The following RALA variants were observed in gnomAD, a reference collection of about 807,000 sequenced individuals.
RALA encodes ras-related protein Ral-A.
Under a neutral mutation model 24.0 loss-of-function variants are expected in RALA, and 5 were observed. The observed-to-expected ratio is 0.21, with a 90% CI of 0.11 to 0.44. The LOEUF (loss-of-function observed/expected upper bound fraction) is 0.44. Among genes scored for constraint, RALA ranks in the 20% least tolerant of loss-of-function variants. The pLI is 0.99. For synonymous variants in RALA, 77 were observed against 83.8 expected (o/e 0.92, Z 0.44); for missense variants, 95 against 241.2 (o/e 0.39, Z 4.01).
intron 4 of RALA, 61 bp from the exon 5 acceptor site, chr7:39,706,062 T>G: frequency 6.9e-7 from 1 of 1,450,116 alleles, no homozygotes; most frequent in Non-Finnish European, 9.4e-7. Flanking sequence ...TGCTGTGATT[T>G]GGAGAAGTAC....
intron 1 of RALA, among the ~76,000 whole-genome samples, chr7:39,636,014 C>A (rs995655006): frequency 6.6e-5 from 10 of 152,162 alleles, no homozygotes; most frequent in Admixed American, 6.5e-5. Context: ...TTTTCAAGAT[C>A]ATCCATGTTG....
At chr7:39,689,216 C>A (rs1792770501) in intron 2 of RALA, among the ~76,000 whole-genome samples, 1 of 152,170 alleles carries the variant, frequency 6.6e-6, no homozygotes, top group African/African-American at 2.4e-5. Context: ...CTTGAACTAA[C>A]TCCTGGGCTC....
chr7:39,670,058 G>A (rs1792354026), intron 1 of RALA, among the ~76,000 whole-genome samples: 1 of 152,124 alleles, frequency 6.6e-6, no homozygotes, highest in Non-Finnish European at 1.5e-5. Flanking sequence ...TGCTTAATTT[G>A]TAGTAGCTCA....
intron 1 of RALA, among the ~76,000 whole-genome samples, chr7:39,627,026 C>A (rs1339482735): frequency 6.6e-6 from 1 of 151,634 alleles, no homozygotes; most frequent in African/African-American, 2.4e-5. Flanking sequence ...TTTTAAAATG[C>A]ACTTTTAAAT....
intron 1 of RALA, among the ~76,000 whole-genome samples, chr7:39,646,219 G>C (rs1313725001): frequency 6.6e-6 from 1 of 152,118 alleles, no homozygotes; most frequent in Non-Finnish European, 1.5e-5. Flanking sequence ...CTTGAGCCTG[G>C]GAGGTCAAGG....
At chr7:39,701,277 G>A (rs141852271) in intron 4 of RALA, among the ~76,000 whole-genome samples, 15 of 152,312 alleles carry the variant, frequency 9.8e-5, no homozygotes, top group Admixed American at 5.9e-4. Context: ...CTGGTAGGCC[G>A]AGGCAGGCAG....
chr7:39,663,145 C>A (rs1413792033), intron 1 of RALA, among the ~76,000 whole-genome samples: 1 of 152,128 alleles, frequency 6.6e-6, no homozygotes, highest in Non-Finnish European at 1.5e-5. Flanking sequence ...AGCTACAATT[C>A]AAGATGAGAT....
At chr7:39,657,982 AG>A (rs1455100517) in intron 1 of RALA, among the ~76,000 whole-genome samples, 1 of 152,168 alleles carries the variant, frequency 6.6e-6, no homozygotes, top group Non-Finnish European at 1.5e-5. Flanking sequence ...CCTTAAAGAG[AG>A]GGTACTCTTC....
intron 1 of RALA, among the ~76,000 whole-genome samples, chr7:39,648,565 A>T (rs1410864959): frequency 6.6e-6 from 1 of 152,192 alleles, no homozygotes; most frequent in Non-Finnish European, 1.5e-5. Context: ...TTCTGCAGAG[A>T]GGAGTCCTAA....
chr7:39,634,618 C>A (rs542289184), intron 1 of RALA, among the ~76,000 whole-genome samples: 24 of 152,030 alleles, frequency 1.6e-4, no homozygotes, highest in Non-Finnish European at 2.9e-4. Context: ...TAATTGGTAA[C>A]CTTCCCACTA....
At chr7:39,669,460 G>C (rs1409982742) in intron 1 of RALA, among the ~76,000 whole-genome samples, 1 of 152,130 alleles carries the variant, frequency 6.6e-6, no homozygotes, top group East Asian at 1.9e-4. Flanking sequence ...TAAAGAGTGG[G>C]ATTTAACAGA....
At chr7:39,654,784 T>C (rs761033001) in intron 1 of RALA, among the ~76,000 whole-genome samples, 6 of 152,184 alleles carry the variant, frequency 3.9e-5, no homozygotes, top group Non-Finnish European at 8.8e-5. Flanking sequence ...AGGATCTTGC[T>C]CTGTCACCAA....
chr7:39,659,681 G>A (rs1792154584), intron 1 of RALA, among the ~76,000 whole-genome samples: 1 of 152,088 alleles, frequency 6.6e-6, no homozygotes, highest in Admixed American at 6.6e-5. Context: ...TGGAATCTCT[G>A]GGTAAATAGG....
chr7:39,662,307 A>G (rs531416711), intron 1 of RALA, among the ~76,000 whole-genome samples: 39 of 152,270 alleles, frequency 2.6e-4, no homozygotes, highest in African/African-American at 8.9e-4. Context: ...TTGGTGATTA[A>G]CATTTGGCTC....
At chr7:39,637,710 A>G (rs545177535) in intron 1 of RALA, among the ~76,000 whole-genome samples, 7 of 152,320 alleles carry the variant, frequency 4.6e-5, no homozygotes, top group African/African-American at 1.4e-4. Context: ...TGAGAGTGCT[A>G]TTTCCTCCCA....
chr7:39,654,524 A>T (rs1038707158), intron 1 of RALA, among the ~76,000 whole-genome samples: 3 of 152,156 alleles, frequency 2.0e-5, no homozygotes, highest in African/African-American at 7.2e-5. Flanking sequence ...CTTAACCTTC[A>T]AAGACTGGAA....
At chr7:39,687,954 T>A (rs909371747) in intron 2 of RALA, among the ~76,000 whole-genome samples, 27 of 152,168 alleles carry the variant, frequency 1.8e-4, no homozygotes, top group Non-Finnish European at 3.1e-4. Flanking sequence ...TTATTTTTTT[T>A]AAATAGAGAC....
rs937888894 is a variant in RALA, at chr7:39,628,257, T to G, written c.-38+4432T>G. ...AAACAAAAAACCTTTAAGACTGGGC[T>G]GATTGCTTCTCTTATGTGCTGTCAT... On this transcript the variant is annotated intron_variant, in intron 1 of 4. Transcript: ENST00000005257. 4.8e-4 allele frequency among the ~76,000 whole-genome samples: 73 copies of G among 152,168 alleles called. 1 individual carries two copies. The highest frequency in any genetic ancestry group is 1.7e-3 in the African/African-American group (71 of 41,446).
chr7:39,643,731 C>T (rs1038854203), intron 1 of RALA, among the ~76,000 whole-genome samples: 5 of 152,200 alleles, frequency 3.3e-5, no homozygotes, highest in African/African-American at 1.2e-4. Context: ...TGGCGCACGC[C>T]TGTAATCCCA....
Sources: allele counts gnomAD v4.1 joint callset (sites outside exome capture counted in the v4.1 genomes callset), GRCh38; gene constraint gnomAD v4.1.1; transcripts MANE v1.5; gene names NCBI Gene and HGNC (gene_info 2026-07-23, HGNC 2026-07-21).